Variants in RUNX1T1 observed in about 807,000 individuals in gnomAD.
RUNX1T1 encodes RUNX1 partner transcriptional co-repressor 1.
In RUNX1T1, 4 loss-of-function variants were observed where a neutral mutation model predicts 62.8. The observed-to-expected ratio is 0.06, with a 90% CI of 0.03 to 0.15. RUNX1T1 has a LOEUF of 0.15. Among genes scored for constraint, RUNX1T1 ranks in the 10% least tolerant of loss-of-function variants. The probability of loss-of-function intolerance (pLI) is 1.00; values close to 1 mark genes in which losing one functional copy is unlikely to be tolerated. For missense variants in RUNX1T1, 508 were observed against 754.3 expected, an observed-to-expected ratio of 0.67 and a Z score of 3.82; for synonymous variants, 291 against 286.0, an observed-to-expected ratio of 1.02 and a Z score of -0.18.
chr8:92,093,811 A>G (rs990132), intron 1 of RUNX1T1, among the ~76,000 whole-genome samples: 123,377 of 152,132 alleles, frequency 0.81, 50,120 homozygotes, highest in East Asian at 0.99. Flanking sequence ...TTGAAAATGG[A>G]TATCCTTCTA....
At chr8:92,100,027 T>C (rs1481987320), upstream of RUNX1T1, among the ~76,000 whole-genome samples, 1 of 152,194 alleles carries the variant, frequency 6.6e-6, no homozygotes. Context: ...GAGCAATATT[T>C]TACTCCTCTC....
downstream of RUNX1T1, chr8:91,957,851 G>A (rs1809601332): frequency 4.5e-6 from 1 of 223,416 alleles, no homozygotes; most frequent in East Asian, 6.4e-5. Context: ...TGTGCTGGCA[G>A]ATGGACTTCC....
chr8:92,021,082 T>G (rs1224184864), intron 1 of RUNX1T1, among the ~76,000 whole-genome samples: 1 of 152,190 alleles, frequency 6.6e-6, no homozygotes, highest in African/African-American at 2.4e-5. Context: ...TATCGAAGTC[T>G]CAGAGATGTT....
intron 6 of RUNX1T1, among the ~76,000 whole-genome samples, chr8:91,990,585 C>T (rs1373141603): frequency 1.3e-5 from 2 of 152,096 alleles, no homozygotes; most frequent in Non-Finnish European, 2.9e-5. Context: ...CATCTTCTCT[C>T]TCATTTTTCA....
chr8:92,094,946 C>G, intron 1 of RUNX1T1: 1 of 976,868 alleles, frequency 1.0e-6, no homozygotes, highest in Non-Finnish European at 1.5e-6. Context: ...ATCTATTGTT[C>G]CCCCTTTATC....
At chr8:91,966,640 A>T (rs1563617176) in intron 10 of RUNX1T1, among the ~76,000 whole-genome samples, 4 of 152,198 alleles carry the variant, frequency 2.6e-5, no homozygotes. Flanking sequence ...AATGAAAAAT[A>T]GAAATAAATA....
intron 10 of RUNX1T1, among the ~76,000 whole-genome samples, chr8:91,969,151 A>T (rs542657371): frequency 1.3e-5 from 2 of 152,194 alleles, no homozygotes; most frequent in African/African-American, 4.8e-5. Context: ...CCTATCACAG[A>T]TACTGTTTAA....
intron 1 of RUNX1T1, among the ~76,000 whole-genome samples, chr8:92,046,434 G>A (rs920670829): frequency 1.3e-5 from 2 of 152,150 alleles, no homozygotes; most frequent in African/African-American, 4.8e-5. Flanking sequence ...CACAATCATA[G>A]CTTACTGCAA....
chr8:92,037,985 T>C (rs1827730918), intron 1 of RUNX1T1, among the ~76,000 whole-genome samples: 1 of 152,080 alleles, frequency 6.6e-6, no homozygotes, highest in African/African-American at 2.4e-5. Flanking sequence ...GACCATCCTA[T>C]CTCATGGAGA....
At chr8:92,057,504 G>A (rs966549094) in intron 1 of RUNX1T1, among the ~76,000 whole-genome samples, 3 of 152,182 alleles carry the variant, frequency 2.0e-5, no homozygotes, top group Non-Finnish European at 2.9e-5. Flanking sequence ...CTAGCCCACA[G>A]CCTGGCATAT....
intron 1 of RUNX1T1, among the ~76,000 whole-genome samples, chr8:92,020,992 A>AAAC (rs1008358127): frequency 3.0e-4 from 46 of 152,194 alleles, no homozygotes; most frequent in Non-Finnish European, 5.1e-4. Flanking sequence ...GACCAGTATA[A>AAAC]AACAACAACA....
intron 1 of RUNX1T1, among the ~76,000 whole-genome samples, chr8:92,083,712 C>A (rs1006942135): frequency 1.8e-4 from 27 of 152,138 alleles, no homozygotes; most frequent in Admixed American, 9.8e-4. Context: ...GGGTCTAGAA[C>A]CAGAAATACC....
intron 8 of RUNX1T1, chr8:91,977,303 T>C (rs1298125742): frequency 5.2e-6 from 1 of 193,592 alleles, no homozygotes; most frequent in African/African-American, 2.3e-5. Flanking sequence ...TAAAAGTTTA[T>C]TTTCAAAAGT....
chr8:92,062,077 T>C (rs897413455), intron 1 of RUNX1T1, among the ~76,000 whole-genome samples: 1 of 152,218 alleles, frequency 6.6e-6, no homozygotes, highest in South Asian at 2.1e-4. Flanking sequence ...TGAAATTCCT[T>C]GTAGTTCCAA....
At chr8:92,036,626 G>A (rs1827465108) in intron 1 of RUNX1T1, among the ~76,000 whole-genome samples, 1 of 152,148 alleles carries the variant, frequency 6.6e-6, no homozygotes, top group African/African-American at 2.4e-5. Context: ...GATGCCTCCG[G>A]AAGGTTTCTG....
chr8:91,970,959 C>T (rs762563640), intron 9 of RUNX1T1, 111 bp from the exon 11 acceptor site: 36 of 877,242 alleles, frequency 4.1e-5, no homozygotes, highest in Non-Finnish European at 5.2e-5. Context: ...AGGCTGGTCT[C>T]GAACCCCTGG....
chr8:92,052,857 T>C (rs1431627955), intron 1 of RUNX1T1, among the ~76,000 whole-genome samples: 2 of 152,234 alleles, frequency 1.3e-5, no homozygotes, highest in Non-Finnish European at 2.9e-5. Flanking sequence ...AGTGCTTGAC[T>C]GACCCTGTGA....
intron 10 of RUNX1T1, 55 bp from the exon 12 acceptor site, chr8:91,960,572 A>G: frequency 1.3e-6 from 2 of 1,558,122 alleles, no homozygotes; most frequent in Admixed American, 3.4e-5. Flanking sequence ...TGTTAAGACA[A>G]TAGTCTGACA....
intron 1 of RUNX1T1, among the ~76,000 whole-genome samples, chr8:92,086,624 T>C (rs1475762148): frequency 6.6e-6 from 1 of 152,148 alleles, no homozygotes; most frequent in Non-Finnish European, 1.5e-5. Context: ...CTGAAGCTCT[T>C]CTCTAGAAGC....
Sources: allele counts gnomAD v4.1 joint callset (sites outside exome capture counted in the v4.1 genomes callset), GRCh38; gene constraint gnomAD v4.1.1; transcripts MANE v1.5; gene names NCBI Gene and HGNC (gene_info 2026-07-23, HGNC 2026-07-21).